Variants in IQCB1 observed in about 807,000 individuals in gnomAD.
IQCB1 encodes the protein IQ motif containing B1, also known as IQ calmodulin-binding motif-containing protein 1.
A neutral mutation model predicts 84.4 loss-of-function variants in IQCB1; 56 were observed. The ratio of observed to expected loss-of-function variants is 0.66; its 90% CI spans 0.54 to 0.83. The LOEUF (loss-of-function observed/expected upper bound fraction) is 0.83, where lower values mean the gene tolerates loss of function less well. Among genes scored for constraint, IQCB1 ranks in the 40% least tolerant of loss-of-function variants. The probability of loss-of-function intolerance (pLI) is 0.00; values close to 1 mark genes in which losing one functional copy is unlikely to be tolerated. For missense variants in IQCB1, 629 were observed against 682.1 expected (o/e 0.92, Z 0.87); for synonymous variants, 210 against 234.8 (o/e 0.89, Z 0.96).
At chr3:121,779,456 T>C (rs1387962114) in intron 13 of IQCB1, among the ~76,000 whole-genome samples, 2 of 152,232 alleles carry the variant, frequency 1.3e-5, no homozygotes, top group African/African-American at 4.8e-5. Flanking sequence ...CACCATACTT[T>C]GAAGTTTTTA....
rs1189770602 is a variant in IQCB1 at position 121,772,587 on chromosome 3, G to GTGCTA, written c.1532_1536dup (p.Gln513Ter). On this transcript the variant is annotated stop_gained and frameshift_variant, in exon 14 of 15. Transcript: ENST00000310864. LOFTEE classifies it high-confidence loss of function. ...AGCTGTTCAACGTTGGTGCTGATCT[G>GTGCTA]TGCTATCAGAGCTTCTCTGTGCTGC... The GTGCTA allele has an allele frequency of 4.3e-6, 7 of 1,614,104 alleles. No individual in the cohort carries two copies. Among genetic ancestry groups the GTGCTA allele is most frequent in the Non-Finnish European group, 5.9e-6 (7 of 1,180,040 alleles).
At chr3:121,780,550 C>T (rs1948427189) in intron 13 of IQCB1, among the ~76,000 whole-genome samples, 1 of 152,150 alleles carries the variant, frequency 6.6e-6, no homozygotes, top group Admixed American at 6.6e-5. Flanking sequence ...TCCCTAAATC[C>T]AGATTAGCAG....
Position 121,776,548 on chromosome 3 carries a change from T to TTAA in IQCB1, c.1411-3836_1411-3835insTTA, listed in dbSNP as rs1466151930. On this transcript the variant is annotated intron_variant, in intron 13 of 14. Coordinates refer to ENST00000310864, the MANE Select transcript of IQCB1 (RefSeq NM_001023570.4). Reference sequence around the variant, plus strand: ...TTCCAACAGGTATGAAGTATCTTACTGTCGGTTATTTTTTGAAAAATTTTA... The same window carrying TTAA: ...TTCCAACAGGTATGAAGTATCTTACTTAAGTCGGTTATTTTTTGAAAAATTTTA... 7.9e-5 allele frequency among the ~76,000 whole-genome samples: 12 copies of TTAA among 152,314 alleles called. No individual in the cohort carries two copies. In the East Asian group the frequency reaches 2.3e-3, roughly 29 times the overall value.
chr3:121,800,654 T>TA (rs1398839105), intron 7 of IQCB1, among the ~76,000 whole-genome samples: 1 of 151,896 alleles, frequency 6.6e-6, no homozygotes, highest in Admixed American at 6.6e-5. Flanking sequence ...CAGATATCCC[T>TA]ATCCCAATCT....
At chr3:121,793,563 G>A (rs987607641) in intron 10 of IQCB1, among the ~76,000 whole-genome samples, 1 of 152,186 alleles carries the variant, frequency 6.6e-6, no homozygotes, top group African/African-American at 2.4e-5. Context: ...GAGCGAAGGT[G>A]CTGAACTGGA....
chr3:121,805,725 A>G (rs1455921075), intron 7 of IQCB1, among the ~76,000 whole-genome samples: 2 of 152,098 alleles, frequency 1.3e-5, no homozygotes, highest in African/African-American at 4.8e-5. Context: ...AGCTCCTTGC[A>G]CTGTTCCTTT....
chr3:121,790,669 C>T lies in IQCB1; in HGVS notation c.987-454G>A, dbSNP rs534972239. ...ATGAACTATGAAAACATAAAATGTT[C>T]GAAGAATATTTAGTGACATGAGAAT... On this transcript the variant is annotated intron_variant, in intron 10 of 14. Transcript: ENST00000310864. Among the ~76,000 whole-genome samples, 5 of 151,816 alleles carry T rather than the reference C, an allele frequency of 3.3e-5. No individual in the cohort carries two copies. In the East Asian group the frequency reaches 7.7e-4, roughly 23 times the overall value.
intron 13 of IQCB1, among the ~76,000 whole-genome samples, chr3:121,774,075 T>TA (rs35717817): frequency 0.28 from 42,264 of 151,328 alleles, 6,414 homozygotes; most frequent in Admixed American, 0.44. Flanking sequence ...ACAACCTGAT[T>TA]AAAAAATGAA....
intron 2 of IQCB1, among the ~76,000 whole-genome samples, chr3:121,832,327 A>ATTTTTT (rs66929099): frequency 1.1e-4 from 15 of 135,636 alleles, no homozygotes; most frequent in Non-Finnish European, 1.7e-4. Context: ...TAATTTTACA[A>ATTTTTT]TTTTTTTTTT....
intron 6 of IQCB1, 28 bp downstream of exon 6, chr3:121,808,888 T>C: frequency 7.6e-7 from 1 of 1,314,854 alleles, no homozygotes; most frequent in East Asian, 2.3e-5. Context: ...ACAATAGCTA[T>C]TAGTTACATT....
intron 12 of IQCB1, among the ~76,000 whole-genome samples, chr3:121,783,939 C>A (rs1448008757): frequency 6.6e-6 from 1 of 152,134 alleles, no homozygotes; most frequent in East Asian, 1.9e-4. Flanking sequence ...TACTTCAATA[C>A]TTTTTAGCTT....
chr3:121,791,170 A>G (rs780890720), intron 10 of IQCB1, among the ~76,000 whole-genome samples: 12 of 152,216 alleles, frequency 7.9e-5, no homozygotes, highest in Non-Finnish European at 1.8e-4. Context: ...ACTTAATTTG[A>G]CATGTGTCTC....
At chr3:121,785,464 A>G (rs1292482886) in intron 12 of IQCB1, among the ~76,000 whole-genome samples, 1 of 152,116 alleles carries the variant, frequency 6.6e-6, no homozygotes, top group African/African-American at 2.4e-5. Context: ...GACATTGCCC[A>G]GGCTGGTATA....
chr3:121,792,042 T>G (rs1356300094), intron 10 of IQCB1, among the ~76,000 whole-genome samples: 1 of 151,996 alleles, frequency 6.6e-6, no homozygotes. Flanking sequence ...GCCAAGATCG[T>G]GCCACTGCAC....
At chr3:121,781,303 T>C (rs973451923) in intron 13 of IQCB1, among the ~76,000 whole-genome samples, 2 of 152,158 alleles carry the variant, frequency 1.3e-5, no homozygotes, top group Non-Finnish European at 1.5e-5. Flanking sequence ...AGCAGTATTA[T>C]TGTGGTAAGA....
chr3:121,780,064 G>T (rs1948407315), intron 13 of IQCB1, among the ~76,000 whole-genome samples: 2 of 152,158 alleles, frequency 1.3e-5, no homozygotes, highest in African/African-American at 2.4e-5. Flanking sequence ...AATACTCAAG[G>T]GGTAGATTCT....
chr3:121,809,700 G>T (rs1292186244), intron 5 of IQCB1, among the ~76,000 whole-genome samples: 2 of 151,984 alleles, frequency 1.3e-5, no homozygotes, highest in African/African-American at 4.8e-5. Flanking sequence ...GCCACAAGGA[G>T]AAATAAGAAG....
At chr3:121,828,437 C>G (rs1249679286) in intron 4 of IQCB1, 33 bp downstream of exon 4, 4 of 1,588,248 alleles carry the variant, frequency 2.5e-6, no homozygotes, top group Non-Finnish European at 3.5e-6. Context: ...TACTACATCC[C>G]TCAAGAACAG....
chr3:121,802,314 C>T (rs759242970), intron 7 of IQCB1, among the ~76,000 whole-genome samples: 14 of 152,078 alleles, frequency 9.2e-5, no homozygotes, highest in South Asian at 2.1e-4. Context: ...TTTTTTATAG[C>T]TATCTAGAGT....
Sources: gnomAD v4.1 joint callset for allele counts (sites outside exome capture counted in the v4.1 genomes callset) on GRCh38, gnomAD v4.1.1 for gene constraint, MANE v1.5 for transcripts, NCBI Gene and HGNC (gene_info 2026-07-23, HGNC 2026-07-21) for gene names.